SERAC1: variants seen among roughly 807,000 people sequenced by gnomAD.
SERAC1 encodes the protein protein SERAC1.
SERAC1 carries 36 observed loss-of-function variants against 85.7 expected under a neutral mutation model. The observed-to-expected ratio is 0.42, with a 90% CI of 0.32 to 0.55. The LOEUF is 0.55. Among genes scored for constraint, SERAC1 ranks in the 20% least tolerant of loss-of-function variants. The pLI, the probability that SERAC1 is intolerant of heterozygous loss-of-function variation, is 0.11. For synonymous variants in SERAC1, 242 were observed against 265.3 expected (o/e 0.91, Z 0.85); for missense variants, 629 against 796.2 (o/e 0.79, Z 2.53).
rs772868235 is a variant in SERAC1, at chr6:158,113,437, AAGAGTGAAT to A, written c.1828+3_1828+11del. 45 of 1,603,816 alleles carry A rather than the reference AAGAGTGAAT, an allele frequency of 2.8e-5. No homozygotes were observed. The highest frequency in any genetic ancestry group is 3.3e-5 in the Non-Finnish European group (39 of 1,173,274). On this transcript the variant is annotated splice_donor_5th_base_variant and intron_variant, in intron 16 of 16. Coordinates refer to ENST00000647468, the MANE Select transcript of SERAC1 (RefSeq NM_032861.4). ...GCATCTAACAGCCAACAAGTTTCAA[AAGAGTGAAT>A]ACCTGCTGATTCCACAGGTACCACA...
At chr6:158,112,408 G>A (rs1477667822) in intron 16 of SERAC1, 1 of 151,786 alleles carries the variant, frequency 6.6e-6, no homozygotes, top group African/African-American at 2.4e-5. Flanking sequence ...GTGAGACCCT[G>A]TCTCTTAAAA....
chr6:158,133,852 G>GA (rs1001462129), intron 8 of SERAC1, among the ~76,000 whole-genome samples: 2 of 150,892 alleles, frequency 1.3e-5, no homozygotes, highest in Non-Finnish European at 3.0e-5. Context: ...AACTTGGATG[G>GA]AAAAAAAAAT....
chr6:158,133,378 A>ATTTTTTT (rs767768720), intron 8 of SERAC1, among the ~76,000 whole-genome samples: 5 of 66,400 alleles, frequency 7.5e-5, no homozygotes, highest in Non-Finnish European at 1.2e-4. Context: ...TCTGGTGTTA[A>ATTTTTTT]TTTTTTTTTT....
At chr6:158,147,770 A>G (rs7454914) in intron 5 of SERAC1, among the ~76,000 whole-genome samples, 437 of 29,460 alleles carry the variant, frequency 0.015, 7 homozygotes, top group African/African-American at 0.043. Flanking sequence ...CTCTGTCTCA[A>G]AAAAAAAAAA....
intron 1 of SERAC1, among the ~76,000 whole-genome samples, chr6:158,164,490 T>C (rs913173213): frequency 4.6e-5 from 7 of 151,738 alleles, no homozygotes; most frequent in African/African-American, 1.5e-4. Flanking sequence ...AATATATATA[T>C]ATATTATGAC....
intron 4 of SERAC1, among the ~76,000 whole-genome samples, 154 bp from the exon 5 acceptor site, chr6:158,149,108 C>A (rs1785143674): frequency 6.6e-6 from 1 of 152,178 alleles, no homozygotes; most frequent in Non-Finnish European, 1.5e-5. Flanking sequence ...TCCTGCTTCA[C>A]AGCCTCCCGA....
intron 1 of SERAC1, among the ~76,000 whole-genome samples, chr6:158,167,475 T>C (rs986381659): frequency 1.4e-5 from 2 of 144,560 alleles, no homozygotes; most frequent in South Asian, 2.2e-4. Flanking sequence ...GAGACGGAGG[T>C]TGCAGTGAGC....
intron 10 of SERAC1, among the ~76,000 whole-genome samples, chr6:158,123,232 T>C (rs1474595171): frequency 6.6e-6 from 1 of 152,162 alleles, no homozygotes; most frequent in Non-Finnish European, 1.5e-5. Flanking sequence ...AGATTATGTT[T>C]TTCACATCTT....
At chr6:158,135,758 T>C (rs1280019663) in intron 8 of SERAC1, among the ~76,000 whole-genome samples, 1 of 152,006 alleles carries the variant, frequency 6.6e-6, no homozygotes, top group African/African-American at 2.4e-5. Context: ...TGCAGAGAGA[T>C]GGAAAGTAAA....
Position 158,119,872 on chromosome 6 carries a change from A to G in SERAC1, c.1166+553T>C, listed in dbSNP as rs1001786614. On this transcript the variant is annotated intron_variant, in intron 11 of 16. Transcript: ENST00000647468. This position sits in a 1 kb window ranked among gnomAD's most constrained non-coding sequence, Gnocchi z 4.5. ...ATTTTTTCAGTGTGGTCCCTTCTAT[A>G]TTTATTGTCTTAGCAATTATACAAC... Among the ~76,000 whole-genome samples the G allele has an allele frequency of 6.6e-6, 1 of 152,208 alleles. No homozygotes were observed. Among genetic ancestry groups the G allele is most frequent in the African/African-American group, 2.4e-5 (1 of 41,458 alleles).
Position 158,119,216 on chromosome 6 carries a change from C to T in SERAC1, c.1167-46G>A. On this transcript the variant is annotated intron_variant, in intron 11 of 16. Transcript: ENST00000647468. The surrounding 1 kb of genome is among the most constrained non-coding windows in gnomAD (Gnocchi z 4.5). ...AAAAAGAAGCAGAATAAATGCATTACTGCTTTGGTAAGAATCTACACAGCA... is the reference window on the plus strand; with the variant it reads ...AAAAAGAAGCAGAATAAATGCATTATTGCTTTGGTAAGAATCTACACAGCA... 1 of 1,563,330 alleles carries T rather than the reference C, an allele frequency of 6.4e-7. No homozygotes were observed. Among genetic ancestry groups the T allele is most frequent in the South Asian group, 1.2e-5 (1 of 85,102 alleles).
intron 2 of SERAC1, among the ~76,000 whole-genome samples, chr6:158,156,025 T>C (rs1315812189): frequency 1.3e-5 from 2 of 152,110 alleles, no homozygotes; most frequent in East Asian, 3.9e-4. Flanking sequence ...GGCGCATGCC[T>C]GTAATCCCAG....
At chr6:158,158,117 G>C (rs561599392) in intron 2 of SERAC1, among the ~76,000 whole-genome samples, 156 bp downstream of exon 2, 2 of 152,306 alleles carry the variant, frequency 1.3e-5, no homozygotes, top group South Asian at 4.1e-4. Flanking sequence ...ATGGCTCTGG[G>C]CCTATAAATT....
chr6:158,121,031 CA>C (rs1447939254), intron 10 of SERAC1, among the ~76,000 whole-genome samples: 5 of 152,176 alleles, frequency 3.3e-5, no homozygotes, highest in African/African-American at 1.2e-4. Context: ...GAATTTGAGA[CA>C]CAAAACTCTT....
chr6:158,125,701 AAAT>A (rs1263587576), intron 10 of SERAC1, among the ~76,000 whole-genome samples: 2 of 152,156 alleles, frequency 1.3e-5, no homozygotes, highest in Non-Finnish European at 2.9e-5. Flanking sequence ...CTGTCTCAAA[AAAT>A]AATAATAACA....
At chr6:158,146,175 AAAG>A (rs1785050439) in intron 6 of SERAC1, 2 of 152,236 alleles carry the variant, frequency 1.3e-5, no homozygotes, top group African/African-American at 4.8e-5. Flanking sequence ...AGTTGCTCTC[AAAG>A]AAGTATGTAA....
At chr6:158,113,383 G>A (rs1192432822) in intron 16 of SERAC1, 66 bp downstream of exon 16, 2 of 1,376,646 alleles carry the variant, frequency 1.5e-6, no homozygotes, top group African/African-American at 1.4e-5. Flanking sequence ...AAAAATTGCT[G>A]TTTACAAGTA....
At chr6:158,131,489 AT>A (rs1210140167) in intron 8 of SERAC1, among the ~76,000 whole-genome samples, 3 of 147,336 alleles carry the variant, frequency 2.0e-5, no homozygotes, top group Admixed American at 6.8e-5. Flanking sequence ...ATATAAATAT[AT>A]TTTTTGTATA....
chr6:158,140,594 G>A (rs972952390), intron 8 of SERAC1, among the ~76,000 whole-genome samples: 2 of 152,078 alleles, frequency 1.3e-5, no homozygotes, highest in Admixed American at 1.3e-4. Context: ...TCCATGAGTC[G>A]TCCCAGTAAA....
Sources: allele counts gnomAD v4.1 joint callset (sites outside exome capture counted in the v4.1 genomes callset), GRCh38; gene constraint gnomAD v4.1.1; non-coding constraint Gnocchi (gnomAD v3.1); transcripts MANE v1.5; gene names NCBI Gene and HGNC (gene_info 2026-07-23, HGNC 2026-07-21).